The following TBC1D5 variants were observed in gnomAD, a reference collection of about 807,000 sequenced individuals.
TBC1D5 encodes TBC1 domain family member 5, also known as TBC1 domain family, member 5.
TBC1D5 carries 75 observed loss-of-function variants against 100.3 expected under a neutral mutation model. The ratio of observed to expected loss-of-function variants is 0.75; its 90% CI spans 0.62 to 0.91. TBC1D5 has a LOEUF of 0.91. Ranked by LOEUF, TBC1D5 falls within the 40% of genes least tolerant of loss-of-function variation. The pLI is 0.00. For synonymous variants in TBC1D5, 323 were observed against 325.6 expected, an observed-to-expected ratio of 0.99 and a Z score of 0.09; for missense variants, 910 against 942.4, an observed-to-expected ratio of 0.97 and a Z score of 0.45.
rs1433073658 is a variant in TBC1D5 at position 17,455,432 on chromosome 3, ATG to A, written c.98-26915_98-26914del. On this transcript the variant is annotated intron_variant, in intron 3 of 21. Transcript: ENST00000253692. ...TGTGTATATATGTATATATGTGTGT[ATG>A]TGTGTGTATATATATATGTGTGTGT... Among the ~76,000 whole-genome samples, 362 of 141,950 alleles carry A rather than the reference ATG, an allele frequency of 2.6e-3. 1 individual carries two copies. Among genetic ancestry groups the A allele is most frequent in the Non-Finnish European group, 4.1e-3 (272 of 66,842 alleles). The allele number at this position is 141,950 out of a possible 152,430, so 93.1% of individuals were successfully genotyped here. A position where few individuals can be genotyped will look rare whatever the true frequency, so the allele number is the denominator to read the frequency against.
In TBC1D5 at chr3:17,331,850, T is replaced by C. The variant is rs139851015; in HGVS notation, c.996-23716A>G. ...ACAAAGGCTCCATGGCAGGAACAGC[T>C]TGACGTGTTTGAGGAACATCAAAGA... On this transcript the variant is annotated intron_variant, in intron 13 of 21. Coordinates refer to ENST00000253692, the Ensembl canonical transcript of TBC1D5. Among the ~76,000 whole-genome samples, 951 of 152,320 alleles carry C rather than the reference T, an allele frequency of 6.2e-3. 8 individuals are homozygous for C. The highest frequency in any genetic ancestry group is 9.7e-3 in the Non-Finnish European group (661 of 68,026).
At chr3:17,347,536 A>G (rs534953032) in intron 13 of TBC1D5, among the ~76,000 whole-genome samples, 3 of 152,018 alleles carry the variant, frequency 2.0e-5, no homozygotes, top group Admixed American at 2.0e-4. Context: ...ATAAGCCTAA[A>G]TTTTTTTTCT....
chr3:17,204,233 C>T (rs2596658), intron 18 of TBC1D5, among the ~76,000 whole-genome samples: 67,448 of 152,046 alleles, frequency 0.44, 15,908 homozygotes, highest in African/African-American at 0.55. Flanking sequence ...ATGCAGACTC[C>T]GCAATCTGGT....
chr3:17,576,123 T>C (rs2096655635), intron 2 of TBC1D5, among the ~76,000 whole-genome samples: 1 of 152,064 alleles, frequency 6.6e-6, no homozygotes, highest in Admixed American at 6.6e-5. Flanking sequence ...GATTTTAATA[T>C]CCAATCCTCC....
chr3:17,396,047 T>G (rs558602897), intron 8 of TBC1D5, among the ~76,000 whole-genome samples: 1 of 152,222 alleles, frequency 6.6e-6, no homozygotes, highest in South Asian at 2.1e-4. Context: ...TTTTCCCCCC[T>G]CTTTAATATT....
intron 18 of TBC1D5, among the ~76,000 whole-genome samples, chr3:17,203,208 C>T (rs2071698271): frequency 6.6e-6 from 1 of 152,206 alleles, no homozygotes; most frequent in Non-Finnish European, 1.5e-5. Flanking sequence ...CATTTTGGAG[C>T]TTTAAGATTT....
chr3:17,657,343 T>C (rs1477648722), intron 1 of TBC1D5, among the ~76,000 whole-genome samples: 1 of 149,628 alleles, frequency 6.7e-6, no homozygotes, highest in East Asian at 2.0e-4. Context: ...TTTTTTTTTT[T>C]TTTTTTGCGG....
chr3:17,182,232 T>G (rs2068532630), intron 19 of TBC1D5, among the ~76,000 whole-genome samples: 1 of 152,184 alleles, frequency 6.6e-6, no homozygotes, highest in African/African-American at 2.4e-5. Flanking sequence ...GTAGCATCCC[T>G]TAATCCCACT....
At chr3:17,561,012 A>G (rs2096555404) in intron 2 of TBC1D5, among the ~76,000 whole-genome samples, 1 of 152,226 alleles carries the variant, frequency 6.6e-6, no homozygotes, top group Non-Finnish European at 1.5e-5. Context: ...ACAAAACCAT[A>G]AAGAAACAGA....
chr3:17,623,484 GATT>G (rs1376301026), intron 2 of TBC1D5, among the ~76,000 whole-genome samples: 2 of 152,150 alleles, frequency 1.3e-5, no homozygotes, highest in Admixed American at 6.5e-5. Flanking sequence ...ATCTGCTGAT[GATT>G]ATGTTTTACT....
At chr3:17,573,647 G>A (rs908412179) in intron 2 of TBC1D5, among the ~76,000 whole-genome samples, 1 of 151,892 alleles carries the variant, frequency 6.6e-6, no homozygotes, top group Non-Finnish European at 1.5e-5. Flanking sequence ...CTTTAGGTTT[G>A]TAGCCATTTC....
intron 1 of TBC1D5, among the ~76,000 whole-genome samples, chr3:17,696,752 T>G (rs2072174248): frequency 6.6e-6 from 1 of 152,220 alleles, no homozygotes; most frequent in Admixed American, 6.5e-5. Flanking sequence ...TAACTCATTT[T>G]ATGAGGCCAA....
At chr3:17,626,722 C>T (rs1200973269) in intron 1 of TBC1D5, among the ~76,000 whole-genome samples, 2 of 151,986 alleles carry the variant, frequency 1.3e-5, no homozygotes, top group African/African-American at 4.8e-5. Flanking sequence ...GTAGAAAGGC[C>T]ATCATAGAGT....
chr3:17,649,426 T>G (rs1379104457), intron 1 of TBC1D5, among the ~76,000 whole-genome samples: 1 of 152,116 alleles, frequency 6.6e-6, no homozygotes, highest in Non-Finnish European at 1.5e-5. Context: ...CTGTGACACA[T>G]GTTTACCTAT....
chr3:17,552,320 T>C (rs2096481666), intron 2 of TBC1D5, among the ~76,000 whole-genome samples: 1 of 152,086 alleles, frequency 6.6e-6, no homozygotes, highest in Admixed American at 6.6e-5. Context: ...ATAATTCAAG[T>C]AGAGAATTTT....
At chr3:17,477,972 A>G (rs2095458035) in intron 3 of TBC1D5, among the ~76,000 whole-genome samples, 1 of 152,146 alleles carries the variant, frequency 6.6e-6, no homozygotes, top group Non-Finnish European at 1.5e-5. Context: ...AATGGATTTT[A>G]GAAAGATATT....
intron 3 of TBC1D5, among the ~76,000 whole-genome samples, chr3:17,466,411 T>C (rs1020238748): frequency 6.6e-6 from 1 of 152,180 alleles, no homozygotes; most frequent in African/African-American, 2.4e-5. Context: ...TACAACAAGT[T>C]CCTCAACTGA....
In TBC1D5 at chr3:17,308,055, C is replaced by T. The variant is rs752710507; in HGVS notation, c.1075G>A (p.Gly359Ser). 2.4e-5 allele frequency: 38 copies of T among 1,609,862 alleles called. No homozygotes were observed. The East Asian group carries it at 2.5e-4, about 10-fold the overall frequency. ...TAATCTACTAAACCCAGGCTGAGGCCGTCTGCAAACAAGGCATCCCAGACC... is the reference window on the plus strand; with the variant it reads ...TAATCTACTAAACCCAGGCTGAGGCTGTCTGCAAACAAGGCATCCCAGACC... The change falls in exon 14 of 22, where the codon GGC (glycine) becomes AGC (serine). Residue 359 changes from glycine to serine, a missense_variant. By Grantham distance (56) the Gly-to-Ser change is moderately conservative. Transcript: ENST00000253692.
chr3:17,162,510 G>A (rs1299622254), intron 21 of TBC1D5, among the ~76,000 whole-genome samples: 2 of 152,252 alleles, frequency 1.3e-5, no homozygotes, highest in East Asian at 3.8e-4. Context: ...TTCAGTCAGA[G>A]AACATAAACG....
Sources: gnomAD v4.1 joint callset for allele counts (sites outside exome capture counted in the v4.1 genomes callset) on GRCh38, gnomAD v4.1.1 for gene constraint, MANE v1.5 for transcripts, NCBI Gene and HGNC (gene_info 2026-07-23, HGNC 2026-07-21) for gene names.